Variants in COL5A2 observed in about 807,000 individuals in gnomAD.
COL5A2 encodes collagen type V alpha 2 chain.
Under a neutral mutation model 208.2 loss-of-function variants are expected in COL5A2, and 23 were observed. That is an observed-to-expected ratio of 0.11 (90% CI 0.08 to 0.16). The LOEUF (loss-of-function observed/expected upper bound fraction) is 0.16. Among genes scored for constraint, COL5A2 ranks in the 10% least tolerant of loss-of-function variants. The pLI, the probability that COL5A2 is intolerant of heterozygous loss-of-function variation, is 1.00. For missense variants in COL5A2, 1,590 were observed against 1,956.4 expected, an observed-to-expected ratio of 0.81 and a Z score of 3.53; for synonymous variants, 625 against 628.5, an observed-to-expected ratio of 0.99 and a Z score of 0.08.
chr2:189,419,024 A>G, the COL5A2 span, among the ~76,000 whole-genome samples: 7 of 152,186 alleles, frequency 4.6e-5, no homozygotes, highest in Non-Finnish European at 2.9e-5. Context: ...CAAACCCCCA[A>G]GGGTAACCCA....
At chr2:189,339,343 T>A in the COL5A2 span, among the ~76,000 whole-genome samples, 1 of 141,012 alleles carries the variant, frequency 7.1e-6, no homozygotes, top group Non-Finnish European at 1.5e-5. Flanking sequence ...AGAGTAAGAC[T>A]CTGTCTCAAA....
At chr2:189,174,299 C>T (rs1327476364) in intron 1 of COL5A2, among the ~76,000 whole-genome samples, 11 of 152,138 alleles carry the variant, frequency 7.2e-5, no homozygotes, top group Admixed American at 3.9e-4. Flanking sequence ...CATGCATTCA[C>T]CTGGAAACAC....
the COL5A2 span, among the ~76,000 whole-genome samples, chr2:189,365,994 C>T: frequency 6.6e-6 from 1 of 152,208 alleles, no homozygotes; most frequent in Non-Finnish European, 1.5e-5. Context: ...TGGGTGTTTT[C>T]AGACATCCTA....
At chr2:189,077,545 A>G (rs1355202067) in intron 16 of COL5A2, among the ~76,000 whole-genome samples, 2 of 152,224 alleles carry the variant, frequency 1.3e-5, no homozygotes, top group Admixed American at 1.3e-4. Flanking sequence ...CTCCCTTGGC[A>G]GACAGTAGAA....
upstream of COL5A2, among the ~76,000 whole-genome samples, chr2:189,183,557 AATGAAACTATTATCTGCAATTGTTCTTT>A: frequency 6.6e-6 from 1 of 152,080 alleles, no homozygotes; most frequent in Non-Finnish European, 1.5e-5. Context: ...CAGAATCCAA[AATGAAACTATTATCTGCAATTGTTCTTT>A]ATACCAATTA....
chr2:189,153,929 T>C (rs1010609331), intron 1 of COL5A2, among the ~76,000 whole-genome samples: 1 of 152,128 alleles, frequency 6.6e-6, no homozygotes. Flanking sequence ...ATAGACCCCC[T>C]AAGATTCTGC....
chr2:189,039,398 CT>C lies in COL5A2; in HGVS notation c.3798del (p.Val1268PhefsTer5). 6.2e-7 allele frequency: 1 copy of C among 1,613,992 alleles called. No homozygotes were observed. Among genetic ancestry groups the C allele is most frequent in the Admixed American group, 1.7e-5 (1 of 60,002 alleles). ...AAPDDKNKTD[P>X]GVHATLKSLS... The stretch of plus-strand genomic sequence containing the variant: ...AGTGACTTCAGGGTAGCATGAACCC[CT>C]GGGTCCGTTTTGTTTTTGTCATCAG... On this transcript the variant is annotated frameshift_variant, in exon 51 of 54. Transcript: ENST00000374866. LOFTEE classifies it high-confidence loss of function.
the COL5A2 span, among the ~76,000 whole-genome samples, chr2:189,238,345 C>A: frequency 6.6e-6 from 1 of 152,044 alleles, no homozygotes; most frequent in Non-Finnish European, 1.5e-5. Flanking sequence ...GCCTCAAAGA[C>A]CTGATCTTTC....
chr2:189,061,808 A>G (rs1686038640), intron 29 of COL5A2, among the ~76,000 whole-genome samples, 193 bp from the exon 30 acceptor site: 1 of 152,218 alleles, frequency 6.6e-6, no homozygotes, highest in South Asian at 2.1e-4. Flanking sequence ...GTGAGAAAAT[A>G]TCTTCTAAAG....
intron 1 of COL5A2, among the ~76,000 whole-genome samples, chr2:189,171,232 G>T (rs1035935421): frequency 2.6e-5 from 4 of 152,144 alleles, no homozygotes; most frequent in African/African-American, 9.7e-5. Context: ...AGATCAGCAG[G>T]ATCTTGTATG....
At chr2:189,368,032 T>C in the COL5A2 span, among the ~76,000 whole-genome samples, 1 of 152,180 alleles carries the variant, frequency 6.6e-6, no homozygotes, top group East Asian at 1.9e-4. Flanking sequence ...TGCCTTACAA[T>C]AGCCCCACCC....
chr2:189,131,801 TCATC>T (rs1310570746), intron 1 of COL5A2, among the ~76,000 whole-genome samples: 1 of 152,248 alleles, frequency 6.6e-6, no homozygotes, highest in Non-Finnish European at 1.5e-5. Flanking sequence ...GAGAATTTCT[TCATC>T]CATATACATA....
At chr2:189,412,381 T>G in the COL5A2 span, among the ~76,000 whole-genome samples, 1 of 152,212 alleles carries the variant, frequency 6.6e-6, no homozygotes, top group Non-Finnish European at 1.5e-5. Context: ...TCCAAAGATC[T>G]TTTTGCATTT....
chr2:189,063,140 G>T (rs779333646), intron 27 of COL5A2, 32 bp downstream of exon 27: 1 of 1,610,614 alleles, frequency 6.2e-7, no homozygotes, highest in South Asian at 1.1e-5. Context: ...GGATCATGAT[G>T]AGGTGGCCAA....
At chr2:189,242,244 C>T in the COL5A2 span, among the ~76,000 whole-genome samples, 1 of 152,296 alleles carries the variant, frequency 6.6e-6, no homozygotes, top group South Asian at 2.1e-4. Flanking sequence ...GCATTAGATA[C>T]TTACTATTTA....
chr2:189,048,460 C>G (rs1192057217), intron 44 of COL5A2, among the ~76,000 whole-genome samples, 198 bp from the exon 45 acceptor site: 1 of 152,150 alleles, frequency 6.6e-6, no homozygotes, highest in South Asian at 2.1e-4. Context: ...CATATTCTTA[C>G]TTAATCCATA....
the COL5A2 span, among the ~76,000 whole-genome samples, chr2:189,376,261 CCTCA>C: frequency 2.0e-5 from 3 of 152,084 alleles, no homozygotes; most frequent in Non-Finnish European, 2.9e-5. Context: ...CCTTTTATTG[CCTCA>C]CTATCAATAA....
At chr2:189,124,841 G>A (rs1687577815) in intron 1 of COL5A2, among the ~76,000 whole-genome samples, 1 of 151,006 alleles carries the variant, frequency 6.6e-6, no homozygotes, top group East Asian at 1.9e-4. Flanking sequence ...GGTCAGGTTA[G>A]TCACAATAGA....
At chr2:189,302,412 C>G in the COL5A2 span, among the ~76,000 whole-genome samples, 1 of 152,132 alleles carries the variant, frequency 6.6e-6, no homozygotes, top group South Asian at 2.1e-4. Context: ...TTCACTCCAA[C>G]AAATACTCAG....
Sources: allele counts gnomAD v4.1 joint callset (sites outside exome capture counted in the v4.1 genomes callset), GRCh38; gene constraint gnomAD v4.1.1; transcripts MANE v1.5; gene names NCBI Gene and HGNC (gene_info 2026-07-23, HGNC 2026-07-21).